Variants in SNX30 observed in about 807,000 individuals in gnomAD.
SNX30 encodes the protein sorting nexin family member 30, also known as sorting nexin-30.
In SNX30, 24 loss-of-function variants were observed where a neutral mutation model predicts 46.4. That is an observed-to-expected ratio of 0.52 (90% confidence interval 0.37 to 0.73). The LOEUF is 0.73. Ranked by LOEUF, SNX30 falls within the 30% of genes least tolerant of loss-of-function variation. SNX30 has a pLI of 0.00. For missense variants in SNX30, 533 were observed against 555.7 expected (o/e 0.96, Z 0.41); for synonymous variants, 189 against 211.5 (o/e 0.89, Z 0.92).
intron 8 of SNX30, among the ~76,000 whole-genome samples, chr9:112,867,653 A>T (rs1372111811): frequency 1.4e-5 from 2 of 143,600 alleles, no homozygotes; most frequent in East Asian, 2.1e-4. Flanking sequence ...CCTCCTCAGA[A>T]CTCCTTTCAC....
Position 112,783,235 on chromosome 9 carries a change from T to C in SNX30, c.157-21541T>C, listed in dbSNP as rs1039732652. Among the ~76,000 whole-genome samples the C allele has an allele frequency of 5.3e-5, 8 of 152,346 alleles. No homozygotes were observed. In the East Asian group the frequency reaches 1.5e-3, roughly 29 times the overall value. ...GGCAGACGGTGAAGGGCTACTAGCC[T>C]CTGCTCTGGAGTCTCCAGGCTGGGT... On this transcript the variant is annotated intron_variant, in intron 1 of 8. Transcript: ENST00000374232.
At chr9:112,780,223 G>A (rs1052609510) in intron 1 of SNX30, among the ~76,000 whole-genome samples, 27 of 152,176 alleles carry the variant, frequency 1.8e-4, no homozygotes, top group African/African-American at 5.6e-4. Context: ...ATATGAGCAG[G>A]CAGAATTGGG....
At chr9:112,764,606 T>A (rs781638936) in intron 1 of SNX30, among the ~76,000 whole-genome samples, 4 of 151,930 alleles carry the variant, frequency 2.6e-5, no homozygotes, top group Non-Finnish European at 4.4e-5. Flanking sequence ...GGGGTTAGAG[T>A]CACTGATCAA....
At chr9:112,881,004 A>G (rs1841569601) in intron 5 of SNX30, among the ~76,000 whole-genome samples, 1 of 152,188 alleles carries the variant, frequency 6.6e-6, no homozygotes, top group Admixed American at 6.5e-5. Context: ...ACTCCCATCT[A>G]TATCTCAAGA....
At chr9:112,781,692 C>T (rs1839849258) in intron 1 of SNX30, among the ~76,000 whole-genome samples, 2 of 151,354 alleles carry the variant, frequency 1.3e-5, no homozygotes, top group South Asian at 2.1e-4. Context: ...AGTGCAGTGG[C>T]GTGATCTGGG....
At chr9:112,821,177 A>G (rs1269155183) in intron 3 of SNX30, among the ~76,000 whole-genome samples, 4 of 152,148 alleles carry the variant, frequency 2.6e-5, no homozygotes, top group Admixed American at 6.5e-5. Flanking sequence ...ATCTCCATCA[A>G]TGCTGTTACT....
chr9:112,843,572 A>T (rs932767872), intron 6 of SNX30, among the ~76,000 whole-genome samples: 1 of 148,782 alleles, frequency 6.7e-6, no homozygotes, highest in African/African-American at 2.5e-5. Context: ...TGAGCAAAGG[A>T]GTAAGTGGTA....
downstream of SNX30, among the ~76,000 whole-genome samples, chr9:112,882,697 G>A (rs772567491): frequency 7.2e-5 from 11 of 152,238 alleles, no homozygotes; most frequent in Non-Finnish European, 1.0e-4. Flanking sequence ...GGTGGGGGGA[G>A]ATGAAGGACA....
chr9:112,818,008 T>C (rs1214337570), intron 3 of SNX30, among the ~76,000 whole-genome samples, 193 bp downstream of exon 3: 2 of 152,182 alleles, frequency 1.3e-5, no homozygotes, highest in Admixed American at 6.5e-5. Context: ...GAAAGCCAGT[T>C]TTGCGGCTGG....
chr9:112,778,793 T>C (rs1839792840), intron 1 of SNX30, among the ~76,000 whole-genome samples: 1 of 151,874 alleles, frequency 6.6e-6, no homozygotes, highest in African/African-American at 2.4e-5. Context: ...TCTCACACCT[T>C]ATGGTTCAGT....
intron 2 of SNX30, among the ~76,000 whole-genome samples, chr9:112,810,748 G>T (rs1325736284): frequency 6.6e-6 from 1 of 152,146 alleles, no homozygotes; most frequent in Non-Finnish European, 1.5e-5. Context: ...GGAAGCCTGA[G>T]AGCCAGCTGC....
intron 2 of SNX30, among the ~76,000 whole-genome samples, chr9:112,816,914 A>G (rs1488328845): frequency 1.3e-5 from 2 of 152,184 alleles, no homozygotes; most frequent in Non-Finnish European, 1.5e-5. Context: ...AATCAACTCA[A>G]TTTTATTTAA....
At chr9:112,770,736 G>A (rs978485663) in intron 1 of SNX30, among the ~76,000 whole-genome samples, 8 of 151,844 alleles carry the variant, frequency 5.3e-5, no homozygotes, top group Non-Finnish European at 1.0e-4. Flanking sequence ...GGTGGCTCAC[G>A]CCTGTAATCC....
At chr9:112,806,993 A>G (rs182349807) in intron 2 of SNX30, among the ~76,000 whole-genome samples, 4 of 139,938 alleles carry the variant, frequency 2.9e-5, no homozygotes, top group Admixed American at 1.4e-4. Context: ...TCTTTTCTCT[A>G]TGGACATTTA....
At chr9:112,792,590 A>G (rs1472937756) in intron 1 of SNX30, among the ~76,000 whole-genome samples, 1 of 151,990 alleles carries the variant, frequency 6.6e-6, no homozygotes, top group African/African-American at 2.4e-5. Context: ...ACGCCTGGCT[A>G]ACTTTTTGTA....
At chr9:112,879,856 G>A (rs1412933690), downstream of SNX30, 1 of 1,589,154 alleles carries the variant, frequency 6.3e-7, no homozygotes, top group African/African-American at 1.3e-5. Context: ...CAAGAGAACA[G>A]CTGGAATGGG....
intron 1 of SNX30, among the ~76,000 whole-genome samples, chr9:112,792,862 C>A (rs1163016692): frequency 1.4e-5 from 2 of 144,070 alleles, no homozygotes; most frequent in Non-Finnish European, 3.0e-5. Flanking sequence ...TTTTTAGATT[C>A]TCTTTCCACT....
At chr9:112,862,528 A>G (rs1296508415) in intron 7 of SNX30, among the ~76,000 whole-genome samples, 1 of 152,036 alleles carries the variant, frequency 6.6e-6, no homozygotes, top group Non-Finnish European at 1.5e-5. Context: ...TTTTTATTTC[A>G]GTTTTTCCTG....
chr9:112,798,083 A>G (rs1158657987), intron 1 of SNX30, among the ~76,000 whole-genome samples: 5 of 146,762 alleles, frequency 3.4e-5, no homozygotes, highest in Admixed American at 6.8e-5. Flanking sequence ...GTATGCTCAC[A>G]GGGAGCTTTC....
Sources: gnomAD v4.1 joint callset for allele counts (sites outside exome capture counted in the v4.1 genomes callset) on GRCh38, gnomAD v4.1.1 for gene constraint, MANE v1.5 for transcripts, NCBI Gene and HGNC (gene_info 2026-07-23, HGNC 2026-07-21) for gene names.